Variants in FOXP1 observed in about 807,000 individuals in gnomAD.
The protein encoded by FOXP1 is forkhead box P1, also known as forkhead box protein P1.
In FOXP1, 15 loss-of-function variants were observed where a neutral mutation model predicts 98.2. The observed-to-expected ratio is 0.15, with a 90% CI of 0.10 to 0.24. The LOEUF (loss-of-function observed/expected upper bound fraction) is 0.24. FOXP1 is among the 10% of genes least tolerant of loss of function. FOXP1 has a pLI of 1.00. For synonymous variants in FOXP1, 371 were observed against 314.5 expected, an observed-to-expected ratio of 1.18 and a Z score of -1.90; for missense variants, 633 against 848.5, an observed-to-expected ratio of 0.75 and a Z score of 3.15.
Position 70,988,080 on chromosome 3 carries a change from G to A in FOXP1, c.1063-3C>T. 2.5e-6 allele frequency: 4 copies of A among 1,613,830 alleles called. No individual in the cohort carries two copies. The highest frequency in any genetic ancestry group is 3.4e-6 in the Non-Finnish European group (4 of 1,179,732). On this transcript the variant is annotated splice_polypyrimidine_tract_variant and splice_region_variant and intron_variant, in intron 13 of 20. Transcript: ENST00000649528. ...AGGCGTTCTTTGTCTTTTGCAAGCT[G>A]GCAAGAAGAAAATGCTTTGTTATTT...
At chr3:71,418,116 GGTGTGTGTGTGT>G (rs60973104) in intron 3 of FOXP1, among the ~76,000 whole-genome samples, 4 of 147,382 alleles carry the variant, frequency 2.7e-5, no homozygotes, top group Non-Finnish European at 6.0e-5. Flanking sequence ...TGTGCTTGTG[GGTGTGTGTGTGT>G]GTGTGTGTGT....
chr3:71,412,317 CA>C (rs752658916), intron 3 of FOXP1, among the ~76,000 whole-genome samples: 1 of 152,152 alleles, frequency 6.6e-6, no homozygotes, highest in Non-Finnish European at 1.5e-5. Flanking sequence ...CTACCTTCTG[CA>C]AAGACATAAT....
intron 2 of FOXP1, among the ~76,000 whole-genome samples, chr3:71,577,839 T>TA (rs2047846726): frequency 6.6e-6 from 1 of 152,060 alleles, no homozygotes; most frequent in Non-Finnish European, 1.5e-5. Flanking sequence ...GGCTCAGGTA[T>TA]AAAGTTCACC....
At position 71,328,656 on chromosome 3, in the gene FOXP1, G is replaced by T. The variant is rs1462872686; in HGVS notation, c.-72-28776C>A. On this transcript the variant is annotated intron_variant, in intron 4 of 20. Transcript: ENST00000649528. Reference sequence around the variant, plus strand: ...ATAACCCTTTCTACAGCTGACCAGGGTAGCTACGGTATTGGCTAAAAGAAT... The same window carrying T: ...ATAACCCTTTCTACAGCTGACCAGGTTAGCTACGGTATTGGCTAAAAGAAT... Among the ~76,000 whole-genome samples the T allele has an allele frequency of 4.6e-5, 7 of 152,228 alleles. 1 individual carries two copies. In the East Asian group the frequency reaches 1.4e-3, roughly 30 times the overall value.
At chr3:70,970,432 C>T (rs1474449254) in intron 19 of FOXP1, 2 of 419,288 alleles carry the variant, frequency 4.8e-6, no homozygotes, top group Admixed American at 7.1e-5. Flanking sequence ...AGTAATTACA[C>T]TTGTGGTATT....
At chr3:71,125,516 T>C (rs1007580140) in intron 6 of FOXP1, among the ~76,000 whole-genome samples, 1 of 152,236 alleles carries the variant, frequency 6.6e-6, no homozygotes, top group South Asian at 2.1e-4. Flanking sequence ...TTACATCTTA[T>C]GGAGGCAAAG....
At chr3:71,581,371 AG>A (rs1261077670) in intron 2 of FOXP1, 177 bp downstream of exon 2, 2 of 985,252 alleles carry the variant, frequency 2.0e-6, no homozygotes, top group Non-Finnish European at 2.4e-6. Context: ...GGTGGAGGGG[AG>A]GAAGTCCAGT....
chr3:70,996,496 C>T (rs2041383033), intron 13 of FOXP1, among the ~76,000 whole-genome samples: 1 of 152,150 alleles, frequency 6.6e-6, no homozygotes, highest in Non-Finnish European at 1.5e-5. Context: ...AGCCACTATC[C>T]CCTATGGCTA....
At chr3:71,314,829 G>A (rs1353950069) in intron 4 of FOXP1, among the ~76,000 whole-genome samples, 6 of 151,754 alleles carry the variant, frequency 4.0e-5, no homozygotes, top group Admixed American at 2.6e-4. Flanking sequence ...AAGGAAAGAG[G>A]AGAATCCAGC....
chr3:71,543,063 G>A (rs956235515), intron 2 of FOXP1, among the ~76,000 whole-genome samples: 2 of 152,180 alleles, frequency 1.3e-5, no homozygotes, highest in Non-Finnish European at 2.9e-5. Context: ...AAACTGTGAA[G>A]CAACAGGCAT....
At chr3:71,252,671 A>G (rs1372279993) in intron 5 of FOXP1, among the ~76,000 whole-genome samples, 1 of 152,204 alleles carries the variant, frequency 6.6e-6, no homozygotes, top group African/African-American at 2.4e-5. Context: ...CTTGACAGGT[A>G]CTATGATTTT....
intron 4 of FOXP1, among the ~76,000 whole-genome samples, chr3:71,322,856 C>T (rs2075471776): frequency 1.3e-5 from 2 of 152,058 alleles, no homozygotes; most frequent in Admixed American, 6.5e-5. Context: ...ACAGCAGTGG[C>T]GGTTACCTCT....
chr3:71,560,530 A>T (rs2107729333), intron 2 of FOXP1, among the ~76,000 whole-genome samples: 1 of 152,340 alleles, frequency 6.6e-6, no homozygotes, highest in South Asian at 2.1e-4. Flanking sequence ...AAGGTAGCAT[A>T]TGGCCCAGTC....
Position 70,958,407 on chromosome 3 carries a change from A to AAAAAGACCAAAACGGAATG in FOXP1, c.*821_*839dup. 2.1e-6 allele frequency: 1 copy of AAAAAGACCAAAACGGAATG among 485,220 alleles called. No homozygotes were observed. Among genetic ancestry groups the AAAAAGACCAAAACGGAATG allele is most frequent in the Non-Finnish European group, 4.0e-6 (1 of 250,968 alleles). The allele number at this position is 485,220 out of a possible 1,614,324, so 30.1% of individuals were successfully genotyped here. A position where few individuals can be genotyped will look rare whatever the true frequency, so the allele number is the denominator to read the frequency against. On this transcript the variant is annotated 3_prime_UTR_variant, in exon 21 of 21. Coordinates refer to ENST00000649528, the MANE Select transcript of FOXP1 (RefSeq NM_001349338.3). Reference sequence around the variant, plus strand: ...GAGTGCAGCATTTGGGACCTTTTTGAAAAAGACCAAAACGGAATGTTTTCT... The same window carrying AAAAAGACCAAAACGGAATG: ...GAGTGCAGCATTTGGGACCTTTTTGAAAAAGACCAAAACGGAATGAAAAGACCAAAACGGAATGTTTTCT...
At chr3:71,105,284 CT>C (rs1027658437) in intron 7 of FOXP1, among the ~76,000 whole-genome samples, 2 of 151,948 alleles carry the variant, frequency 1.3e-5, no homozygotes, top group East Asian at 3.9e-4. Flanking sequence ...TCCTAATTAC[CT>C]TTTTTTTCAC....
chr3:71,071,914 A>G (rs2107438184), intron 7 of FOXP1, among the ~76,000 whole-genome samples: 1 of 152,290 alleles, frequency 6.6e-6, no homozygotes, highest in Admixed American at 6.5e-5. Context: ...GACAACAACA[A>G]CAGCTATCAT....
At chr3:71,524,856 G>A (rs1325120647) in intron 2 of FOXP1, among the ~76,000 whole-genome samples, 1 of 152,112 alleles carries the variant, frequency 6.6e-6, no homozygotes, top group Admixed American at 6.6e-5. Context: ...CTAAACAATG[G>A]GGCAGACAAG....
intron 5 of FOXP1, among the ~76,000 whole-genome samples, chr3:71,279,827 T>C (rs1199955423): frequency 6.6e-6 from 1 of 151,838 alleles, no homozygotes; most frequent in African/African-American, 2.4e-5. Context: ...AACTGCCCAA[T>C]AAAAATAGAA....
At chr3:71,516,976 T>C (rs1402690159) in intron 2 of FOXP1, among the ~76,000 whole-genome samples, 1 of 152,242 alleles carries the variant, frequency 6.6e-6, no homozygotes, top group Non-Finnish European at 1.5e-5. Flanking sequence ...TGACTGTGTG[T>C]GTGCTTTCTC....
Sources: allele counts gnomAD v4.1 joint callset (sites outside exome capture counted in the v4.1 genomes callset), GRCh38; gene constraint gnomAD v4.1.1; transcripts MANE v1.5; gene names NCBI Gene and HGNC (gene_info 2026-07-23, HGNC 2026-07-21).